The following CNTN5 variants were observed in gnomAD, a reference collection of about 807,000 sequenced individuals.
CNTN5 encodes contactin-5.
In CNTN5, 77 loss-of-function variants were observed where a neutral mutation model predicts 129.1. The ratio of observed to expected loss-of-function variants is 0.60; its 90% confidence interval spans 0.50 to 0.72. The LOEUF is 0.72. Among genes scored for constraint, CNTN5 ranks in the 30% least tolerant of loss-of-function variants. CNTN5 has a pLI of 0.00. For missense variants in CNTN5, 1,478 were observed against 1,328.8 expected (o/e 1.11, Z -1.75); for synonymous variants, 509 against 465.6 (o/e 1.09, Z -1.20).
chr11:99,539,056 C>T (rs1013831906), intron 2 of CNTN5, among the ~76,000 whole-genome samples: 3 of 151,936 alleles, frequency 2.0e-5, no homozygotes, highest in East Asian at 1.9e-4. Flanking sequence ...TCCAGCCACA[C>T]GATACCTACA....
At chr11:100,296,269 T>C (rs1033521389) in intron 18 of CNTN5, among the ~76,000 whole-genome samples, 1 of 151,600 alleles carries the variant, frequency 6.6e-6, no homozygotes, top group African/African-American at 2.4e-5. Flanking sequence ...TGACTACTAA[T>C]ACGTAACTCA....
intron 8 of CNTN5, among the ~76,000 whole-genome samples, chr11:99,962,444 G>A (rs1950975228): frequency 6.6e-6 from 1 of 152,006 alleles, no homozygotes; most frequent in Non-Finnish European, 1.5e-5. Flanking sequence ...TGCTGAGAAT[G>A]ATGGTTTCCA....
chr11:99,222,200 T>A (rs1474453659), intron 1 of CNTN5, among the ~76,000 whole-genome samples: 1 of 151,928 alleles, frequency 6.6e-6, no homozygotes, highest in Non-Finnish European at 1.5e-5. Context: ...TTAATATAAA[T>A]TAAGTCTAAA....
intron 3 of CNTN5, among the ~76,000 whole-genome samples, chr11:99,614,412 G>A (rs965184274): frequency 6.6e-5 from 10 of 152,112 alleles, no homozygotes; most frequent in African/African-American, 1.7e-4. Flanking sequence ...ACCACGAGTG[G>A]AGGGATGGTG....
rs533827453 is a variant in CNTN5 at position 99,560,281 on chromosome 11, T to A, written c.55+4012T>A. Reference sequence around the variant, plus strand: ...AAGAATCTAACTGTATTATTATTATTATTATTATTATTATTATTATTATTA... The same window carrying A: ...AAGAATCTAACTGTATTATTATTATAATTATTATTATTATTATTATTATTA... On this transcript the variant is annotated intron_variant, in intron 3 of 24. Coordinates refer to ENST00000524871, the MANE Select transcript of CNTN5 (RefSeq NM_014361.4). Among the ~76,000 whole-genome samples, 10 of 147,320 alleles carry A rather than the reference T, an allele frequency of 6.8e-5. No homozygotes were observed. The East Asian group carries it at 2.0e-3, about 29-fold the overall frequency.
intron 3 of CNTN5, among the ~76,000 whole-genome samples, chr11:99,773,752 T>C (rs1165244276): frequency 6.6e-6 from 1 of 152,088 alleles, no homozygotes; most frequent in African/African-American, 2.4e-5. Flanking sequence ...TGATTTTCCT[T>C]GTAAAACTCC....
chr11:99,665,489 T>C (rs1209459706), intron 3 of CNTN5, among the ~76,000 whole-genome samples: 1 of 142,326 alleles, frequency 7.0e-6, no homozygotes, highest in Non-Finnish European at 1.5e-5. Context: ...TTTTTTTTTT[T>C]TTTTTTTTTT....
intron 3 of CNTN5, among the ~76,000 whole-genome samples, chr11:99,594,123 A>G (rs1178873352): frequency 6.6e-6 from 1 of 152,134 alleles, no homozygotes; most frequent in Non-Finnish European, 1.5e-5. Context: ...TGCATGCTCT[A>G]TCCAGTATTG....
At chr11:99,747,351 C>G (rs1052971087) in intron 3 of CNTN5, among the ~76,000 whole-genome samples, 1 of 151,668 alleles carries the variant, frequency 6.6e-6, no homozygotes, top group African/African-American at 2.4e-5. Flanking sequence ...ATAAAGTAAT[C>G]TGTAAACAGA....
intron 1 of CNTN5, among the ~76,000 whole-genome samples, chr11:99,193,928 CAG>C (rs1858773371): frequency 6.6e-6 from 1 of 152,068 alleles, no homozygotes; most frequent in Non-Finnish European, 1.5e-5. Context: ...GTAAAGAAAA[CAG>C]ATCATTCTCA....
rs375604458 is a variant in CNTN5 at position 99,281,341 on chromosome 11, TG to T, written c.-209-44004del. 9.2e-5 allele frequency among the ~76,000 whole-genome samples: 14 copies of T among 152,074 alleles called. No individual in the cohort carries two copies. In the East Asian group the frequency reaches 1.9e-3, roughly 21 times the overall value. ...TCATATAAATACCATGAAACAAAAC[TG>T]CCAGATCTAGAGTGAGGCAAGTGAG... is the stretch of plus-strand genomic sequence containing the variant. On this transcript the variant is annotated intron_variant, in intron 1 of 24. Transcript: ENST00000524871.
chr11:99,674,459 A>C (rs1015676817), intron 3 of CNTN5, among the ~76,000 whole-genome samples: 3 of 152,098 alleles, frequency 2.0e-5, no homozygotes, highest in Non-Finnish European at 2.9e-5. Flanking sequence ...TGCTTTAGTT[A>C]GATCTATGTG....
chr11:99,366,126 A>G (rs11219628), intron 2 of CNTN5, among the ~76,000 whole-genome samples: 18,646 of 152,172 alleles, frequency 0.12, 1,286 homozygotes, highest in Middle Eastern at 0.22. Flanking sequence ...AAGTGGAATT[A>G]CCGAAAGCCT....
At chr11:99,404,805 C>G (rs1412634323) in intron 2 of CNTN5, among the ~76,000 whole-genome samples, 1 of 152,044 alleles carries the variant, frequency 6.6e-6, no homozygotes, top group Non-Finnish European at 1.5e-5. Flanking sequence ...CTTACTATTA[C>G]CAGTGAGTTT....
chr11:99,315,967 C>T lies in CNTN5; in HGVS notation c.-209-9379C>T, dbSNP rs1865321812. Among the ~76,000 whole-genome samples, 2 of 128,908 alleles carry T rather than the reference C, an allele frequency of 1.6e-5. 1 individual carries two copies. The highest frequency in any genetic ancestry group is 4.8e-4 in the South Asian group (2 of 4,158). The allele number at this position is 128,908 out of a possible 152,430, so 84.6% of individuals were successfully genotyped here. On this transcript the variant is annotated intron_variant, in intron 1 of 24. Coordinates refer to ENST00000524871, the MANE Select transcript of CNTN5 (RefSeq NM_014361.4). The stretch of plus-strand genomic sequence containing the variant: ...ATAGAGAGGTAAATGGATTTGTGTG[C>T]CTCATGGGTATATGTGTATGCAAAT...
At chr11:99,217,374 A>G (rs1860183844) in intron 1 of CNTN5, among the ~76,000 whole-genome samples, 2 of 152,192 alleles carry the variant, frequency 1.3e-5, no homozygotes, top group African/African-American at 4.8e-5. Flanking sequence ...CAAAACAATA[A>G]TGAGATATCA....
intron 1 of CNTN5, among the ~76,000 whole-genome samples, chr11:99,195,811 T>A (rs1165197062): frequency 3.3e-5 from 5 of 152,064 alleles, no homozygotes; most frequent in Non-Finnish European, 7.4e-5. Context: ...CTAGAAGATA[T>A]GTTAGTAAGT....
intron 9 of CNTN5, among the ~76,000 whole-genome samples, chr11:100,042,267 A>G (rs1942425326): frequency 6.6e-6 from 1 of 152,042 alleles, no homozygotes; most frequent in Admixed American, 6.5e-5. Context: ...AAGGAAAAAA[A>G]AAGCCTTTGT....
intron 3 of CNTN5, among the ~76,000 whole-genome samples, chr11:99,736,215 T>C (rs1943704703): frequency 6.6e-6 from 1 of 152,178 alleles, no homozygotes; most frequent in South Asian, 2.1e-4. Flanking sequence ...AGACAGAGGT[T>C]GCACCTATGA....
Sources: allele counts gnomAD v4.1 joint callset (sites outside exome capture counted in the v4.1 genomes callset), GRCh38; gene constraint gnomAD v4.1.1; transcripts MANE v1.5; gene names NCBI Gene and HGNC (gene_info 2026-07-23, HGNC 2026-07-21).